The following PLEKHG1 variants were observed in gnomAD, a reference collection of about 807,000 sequenced individuals.
PLEKHG1 encodes the protein pleckstrin homology domain-containing family G member 1.
PLEKHG1 carries 44 observed loss-of-function variants against 100.8 expected under a neutral mutation model. The observed-to-expected ratio is 0.44, with a 90% CI of 0.34 to 0.56. PLEKHG1 has a LOEUF of 0.56. PLEKHG1 is among the 20% of genes least tolerant of loss of function. PLEKHG1 has a pLI of 0.01. For missense variants in PLEKHG1, 1,545 were observed against 1,720.9 expected, an observed-to-expected ratio of 0.90 and a Z score of 1.81; for synonymous variants, 640 against 662.5, an observed-to-expected ratio of 0.97 and a Z score of 0.52.
intron 2 of PLEKHG1, among the ~76,000 whole-genome samples, chr6:150,737,745 A>G (rs149995225): frequency 1.3e-5 from 2 of 152,292 alleles, no homozygotes; most frequent in South Asian, 2.1e-4. Flanking sequence ...CTGCTCATTG[A>G]CAGCCTACTA....
At chr6:150,739,817 C>T (rs371422308) in intron 2 of PLEKHG1, among the ~76,000 whole-genome samples, 1 of 152,172 alleles carries the variant, frequency 6.6e-6, no homozygotes, top group African/African-American at 2.4e-5. Flanking sequence ...TGATCACCAA[C>T]CCCAAGCTCT....
At chr6:150,747,934 A>G (rs1783256074) in intron 2 of PLEKHG1, among the ~76,000 whole-genome samples, 1 of 152,016 alleles carries the variant, frequency 6.6e-6, no homozygotes, top group African/African-American at 2.4e-5. Flanking sequence ...GTTCAGTGGT[A>G]CCAAGTACAT....
At chr6:150,657,518 A>G (rs900224999) in intron 3 of PLEKHG1, among the ~76,000 whole-genome samples, 1 of 152,324 alleles carries the variant, frequency 6.6e-6, no homozygotes, top group Admixed American at 6.5e-5. Context: ...TAACTTTTCG[A>G]CTTGACCTGT....
chr6:150,673,944 C>T (rs1779656059), intron 3 of PLEKHG1, among the ~76,000 whole-genome samples: 1 of 152,248 alleles, frequency 6.6e-6, no homozygotes, highest in African/African-American at 2.4e-5. Flanking sequence ...CAATTATGGG[C>T]GTGTGCCACC....
In PLEKHG1 at chr6:150,606,558, T is replaced by C. The variant is rs182973130; in HGVS notation, c.-204+6541T>C. Among the ~76,000 whole-genome samples, 36 of 152,288 alleles carry C rather than the reference T, an allele frequency of 2.4e-4. No homozygotes were observed. The East Asian group carries it at 6.9e-3, about 29-fold the overall frequency. On this transcript the variant is annotated intron_variant, in intron 1 of 3. Transcript: ENST00000367326. ...CCTCCCTGTTTAGAGAGTAAAATAC[T>C]GCTGAAGTCTTTGCTTTTTCTGACC...
chr6:150,610,830 T>C (rs984723163), intron 1 of PLEKHG1, among the ~76,000 whole-genome samples: 6 of 152,266 alleles, frequency 3.9e-5, no homozygotes, highest in African/African-American at 1.4e-4. Context: ...TGTATGTTTC[T>C]TCCCTTTCAC....
At chr6:150,698,888 A>G (rs959875710) in intron 3 of PLEKHG1, among the ~76,000 whole-genome samples, 2 of 152,246 alleles carry the variant, frequency 1.3e-5, no homozygotes, top group Admixed American at 6.5e-5. Flanking sequence ...CTGAAAAACA[A>G]TTAAGTTTGT....
intron 3 of PLEKHG1, among the ~76,000 whole-genome samples, chr6:150,658,995 T>A (rs1025104960): frequency 6.6e-6 from 1 of 152,222 alleles, no homozygotes; most frequent in African/African-American, 2.4e-5. Flanking sequence ...AGTCACTGCA[T>A]AACTCATGCA....
At chr6:150,677,283 T>TACACGCACACACAC (rs756621195) in intron 3 of PLEKHG1, among the ~76,000 whole-genome samples, 1 of 134,138 alleles carries the variant, frequency 7.5e-6, no homozygotes, top group African/African-American at 2.5e-5. Flanking sequence ...TTTCTTCCCC[T>TACACGCACACACAC]ATACACACAC....
chr6:150,797,767 G>A (rs1456506470), intron 5 of PLEKHG1, among the ~76,000 whole-genome samples: 3 of 139,644 alleles, frequency 2.1e-5, no homozygotes, highest in African/African-American at 5.3e-5. Context: ...CCCAGGAGGC[G>A]GAGGTTGCAG....
intron 3 of PLEKHG1, among the ~76,000 whole-genome samples, chr6:150,658,244 G>A (rs114432483): frequency 4.6e-5 from 7 of 152,140 alleles, no homozygotes; most frequent in African/African-American, 1.4e-4. Flanking sequence ...CTAGAGGAAG[G>A]TTACATCTGT....
At chr6:150,604,662 CGTCACTCGGTTTCCTA>C (rs1776511256) in intron 1 of PLEKHG1, among the ~76,000 whole-genome samples, 1 of 152,200 alleles carries the variant, frequency 6.6e-6, no homozygotes, top group South Asian at 2.1e-4. Flanking sequence ...AAGATCATTT[CGTCACTCGGTTTCCTA>C]GTCACCTTTT....
chr6:150,672,875 GAAAT>G (rs1272982312), intron 3 of PLEKHG1, among the ~76,000 whole-genome samples: 1 of 152,200 alleles, frequency 6.6e-6, no homozygotes, highest in Non-Finnish European at 1.5e-5. Context: ...TGAGCAGAAT[GAAAT>G]AAATAATTCA....
chr6:150,655,935 C>T (rs1056251657), intron 3 of PLEKHG1, among the ~76,000 whole-genome samples: 5 of 151,644 alleles, frequency 3.3e-5, no homozygotes, highest in African/African-American at 9.7e-5. Context: ...CATCACACAC[C>T]AGGGCCTGTG....
At chr6:150,811,768 G>A (rs760905473) in intron 10 of PLEKHG1, among the ~76,000 whole-genome samples, 3 of 152,176 alleles carry the variant, frequency 2.0e-5, no homozygotes, top group Non-Finnish European at 4.4e-5. Context: ...GCCCCTGGAG[G>A]GCTGTGAGCA....
intron 14 of PLEKHG1, among the ~76,000 whole-genome samples, chr6:150,829,048 C>A (rs1190982675): frequency 6.6e-6 from 1 of 152,058 alleles, no homozygotes; most frequent in Non-Finnish European, 1.5e-5. Flanking sequence ...TCCTCTCTTC[C>A]CTCTCTAATA....
At chr6:150,612,165 GT>G (rs1776873658) in intron 1 of PLEKHG1, among the ~76,000 whole-genome samples, 1 of 150,116 alleles carries the variant, frequency 6.7e-6, no homozygotes, top group African/African-American at 2.4e-5. Context: ...TGCTTGAATA[GT>G]TCTCAATCTA....
Position 150,683,754 on chromosome 6 carries a change from G to C in PLEKHG1, c.-99+32968G>C. 3.1e-6 allele frequency: 4 copies of C among 1,284,132 alleles called. No homozygotes were observed. Among genetic ancestry groups the C allele is most frequent in the Non-Finnish European group, 4.1e-6 (4 of 986,416 alleles). The allele number at this position is 1,284,132 out of a possible 1,614,324, so 79.5% of individuals were successfully genotyped here. ...CTAGTATCCAGGGCATAGGACGTCT[G>C]AAGGAAAGATGGAGCCATTCTTGGT... On this transcript the variant is annotated intron_variant, in intron 3 of 3. Coordinates refer to the PLEKHG1 transcript ENST00000367326. This position sits in a 1 kb window ranked among gnomAD's most constrained non-coding sequence, Gnocchi z 4.0.
intron 1 of PLEKHG1, among the ~76,000 whole-genome samples, chr6:150,730,780 A>G (rs1236245750): frequency 2.6e-5 from 4 of 152,052 alleles, no homozygotes. Context: ...GCACATGCCT[A>G]TAATCCCAGC....
Sources: gnomAD v4.1 joint callset for allele counts (sites outside exome capture counted in the v4.1 genomes callset) on GRCh38, gnomAD v4.1.1 for gene constraint, Gnocchi (gnomAD v3.1) non-coding constraint, MANE v1.5 for transcripts, NCBI Gene and HGNC (gene_info 2026-07-23, HGNC 2026-07-21) for gene names.